The following PPP1R9A variants were observed in gnomAD, a reference collection of about 807,000 sequenced individuals.
PPP1R9A encodes neurabin-1.
PPP1R9A carries 59 observed loss-of-function variants against 141.9 expected under a neutral mutation model. The ratio of observed to expected loss-of-function variants is 0.42; its 90% CI spans 0.34 to 0.52. The LOEUF (loss-of-function observed/expected upper bound fraction) is 0.52, where lower values mean the gene tolerates loss of function less well. PPP1R9A is among the 20% of genes least tolerant of loss of function. PPP1R9A has a pLI of 0.10. For missense variants in PPP1R9A, 1,444 were observed against 1,611.9 expected (o/e 0.90, Z 1.78); for synonymous variants, 500 against 569.7 (o/e 0.88, Z 1.74).
rs993208173 is a variant in PPP1R9A, at chr7:95,174,204, A to G, written c.1754+12233A>G. On this transcript the variant is annotated intron_variant, in intron 5 of 19. Coordinates refer to ENST00000433360, the MANE Select transcript of PPP1R9A (RefSeq NM_001166160.2). The stretch of plus-strand genomic sequence containing the variant: ...AGTGATATGAAGGAACAAACTACCA[A>G]TCCTTTCAATACCATGTATGACTCT... Among the ~76,000 whole-genome samples the G allele has an allele frequency of 3.9e-5, 6 of 152,136 alleles. No individual in the cohort carries two copies. In the East Asian group the frequency reaches 5.8e-4, roughly 15 times the overall value.
intron 4 of PPP1R9A, among the ~76,000 whole-genome samples, chr7:95,146,270 A>AT (rs1827594173): frequency 6.6e-6 from 1 of 152,152 alleles, no homozygotes; most frequent in East Asian, 1.9e-4. Flanking sequence ...GCTTGTTTTC[A>AT]TAAGTTTTTT....
intron 5 of PPP1R9A, among the ~76,000 whole-genome samples, chr7:95,168,025 C>T (rs745530393): frequency 3.3e-5 from 5 of 152,076 alleles, no homozygotes; most frequent in South Asian, 2.1e-4. Context: ...TGTCATTTTT[C>T]ACAGAAATAG....
intron 6 of PPP1R9A, 90 bp downstream of exon 6, chr7:95,198,574 G>A: frequency 1.5e-6 from 2 of 1,378,446 alleles, no homozygotes; most frequent in Non-Finnish European, 1.9e-6. Flanking sequence ...GTTTTATGCA[G>A]TTTCTTGAGG....
chr7:95,271,107 T>C (rs945458121), intron 14 of PPP1R9A, among the ~76,000 whole-genome samples: 1 of 152,160 alleles, frequency 6.6e-6, no homozygotes, highest in African/African-American at 2.4e-5. Flanking sequence ...GCACATATCA[T>C]ATGATTTAAA....
intron 2 of PPP1R9A, among the ~76,000 whole-genome samples, chr7:95,026,897 C>CA (rs1806925026): frequency 6.6e-6 from 1 of 152,112 alleles, no homozygotes; most frequent in African/African-American, 2.4e-5. Flanking sequence ...GGGAAAACCA[C>CA]GTACTCAAGC....
chr7:95,116,014 T>C (rs1584770455), intron 3 of PPP1R9A, among the ~76,000 whole-genome samples: 2 of 151,870 alleles, frequency 1.3e-5, no homozygotes, highest in African/African-American at 4.8e-5. Flanking sequence ...TTCATCCACA[T>C]ACAATTTAAA....
chr7:95,159,299 G>A (rs995088407), intron 4 of PPP1R9A, among the ~76,000 whole-genome samples: 1 of 152,068 alleles, frequency 6.6e-6, no homozygotes, highest in Non-Finnish European at 1.5e-5. Flanking sequence ...AAAAAGAGAG[G>A]TATACATCAT....
At chr7:95,080,064 C>A (rs1186588142) in intron 2 of PPP1R9A, among the ~76,000 whole-genome samples, 2 of 152,088 alleles carry the variant, frequency 1.3e-5, no homozygotes, top group Non-Finnish European at 2.9e-5. Context: ...TCCTATTCAA[C>A]ATAGTGTTGG....
intron 5 of PPP1R9A, among the ~76,000 whole-genome samples, chr7:95,173,265 A>C (rs1832408994): frequency 6.6e-6 from 1 of 151,900 alleles, no homozygotes; most frequent in Non-Finnish European, 1.5e-5. Flanking sequence ...GGTAATATAC[A>C]CTGGGGACTC....
chr7:95,138,301 G>C lies in PPP1R9A; in HGVS notation c.1649+17469G>C, dbSNP rs539747710. ...GTATAGCCTTTTCAGCAAAGTGCTAGAACAATTAGATACCCATATGGAGAA... is the reference window on the plus strand; with the variant it reads ...GTATAGCCTTTTCAGCAAAGTGCTACAACAATTAGATACCCATATGGAGAA... On this transcript the variant is annotated intron_variant, in intron 4 of 19. Coordinates refer to ENST00000433360, the MANE Select transcript of PPP1R9A (RefSeq NM_001166160.2). 2.8e-3 allele frequency among the ~76,000 whole-genome samples: 431 copies of C among 152,250 alleles called. 2 individuals are homozygous for C. Among genetic ancestry groups the C allele is most frequent in the Non-Finnish European group, 5.0e-3 (337 of 68,022 alleles).
rs1399539589 is a variant in PPP1R9A, at chr7:95,269,427, C to G, written c.3044C>G (p.Ser1015Cys). 1.3e-6 allele frequency: 2 copies of G among 1,594,386 alleles called. No homozygotes were observed. The highest frequency in any genetic ancestry group is 2.2e-5 in the South Asian group (2 of 90,784). ...ATGTGGGGAGACACTTCACTGTTTT[C>G]TACTTCAAAGTCTGATCATGATGTG... Reference protein sequence around the residue: ...SSMWGDTSLFSTSKSDHDVEE... With the variant: ...SSMWGDTSLFCTSKSDHDVEE... The change falls in exon 14 of 20, where the codon TCT (serine) becomes TGT (cysteine). Residue 1015 changes from serine to cysteine, a missense_variant. Transcript: ENST00000433360.
intron 4 of PPP1R9A, among the ~76,000 whole-genome samples, chr7:95,129,756 G>A (rs1046666804): frequency 6.6e-6 from 1 of 152,190 alleles, no homozygotes; most frequent in Non-Finnish European, 1.5e-5. Context: ...GGAACTTGTT[G>A]GGAACTGGAG....
chr7:95,085,826 T>C (rs971717404), intron 2 of PPP1R9A, among the ~76,000 whole-genome samples: 3 of 152,038 alleles, frequency 2.0e-5, no homozygotes, highest in Admixed American at 6.5e-5. Flanking sequence ...TTTAATACTA[T>C]CATAATGGTT....
chr7:95,170,609 T>C lies in PPP1R9A; in HGVS notation c.1754+8638T>C, dbSNP rs191475146. The stretch of plus-strand genomic sequence containing the variant: ...TAATTTAAAAGTTTTGAAAGAAAAA[T>C]TGGAATTTTATACTCAAGGAAATAG... On this transcript the variant is annotated intron_variant, in intron 5 of 19. Transcript: ENST00000433360. Among the ~76,000 whole-genome samples, 831 of 151,354 alleles carry C rather than the reference T, an allele frequency of 5.5e-3. 7 individuals carry two copies. The highest frequency in any genetic ancestry group is 0.019 in the African/African-American group (785 of 41,436).
chr7:95,221,718 T>C lies in PPP1R9A; in HGVS notation c.1957-4243T>C, dbSNP rs559077564. ...GAAAATTAGGTATGAGAAGGAAATA[T>C]AAAAGAGGGGAAAACCATAAAATTC... On this transcript the variant is annotated intron_variant, in intron 7 of 19. Transcript: ENST00000433360. 7.2e-5 allele frequency among the ~76,000 whole-genome samples: 11 copies of C among 152,124 alleles called. 1 individual carries two copies. The South Asian group carries it at 2.3e-3, about 32-fold the overall frequency.
At chr7:95,279,015 A>T (rs1195607770) in intron 16 of PPP1R9A, among the ~76,000 whole-genome samples, 1 of 152,228 alleles carries the variant, frequency 6.6e-6, no homozygotes, top group African/African-American at 2.4e-5. Context: ...TTAAATAAAA[A>T]TGTCTATTGT....
At chr7:95,108,297 C>CTT (rs1819876933) in intron 2 of PPP1R9A, among the ~76,000 whole-genome samples, 1 of 102,958 alleles carries the variant, frequency 9.7e-6, no homozygotes, top group Non-Finnish European at 2.1e-5. Context: ...TTTTCTTTTT[C>CTT]GTTTCTTTTC....
intron 2 of PPP1R9A, among the ~76,000 whole-genome samples, chr7:95,037,615 A>G (rs1808611592): frequency 6.6e-6 from 1 of 152,208 alleles, no homozygotes; most frequent in Non-Finnish European, 1.5e-5. Context: ...CTCTATCATT[A>G]GCACCTTTGA....
At chr7:95,128,608 C>G (rs1027932257) in intron 4 of PPP1R9A, among the ~76,000 whole-genome samples, 1 of 152,002 alleles carries the variant, frequency 6.6e-6, no homozygotes, top group Non-Finnish European at 1.5e-5. Flanking sequence ...TGGAGTTTCG[C>G]TTTTGTTGCC....
Sources: gnomAD v4.1 joint callset for allele counts (sites outside exome capture counted in the v4.1 genomes callset) on GRCh38, gnomAD v4.1.1 for gene constraint, MANE v1.5 for transcripts, NCBI Gene and HGNC (gene_info 2026-07-23, HGNC 2026-07-21) for gene names.